Variants in ENOX1 observed in about 807,000 individuals in gnomAD.
ENOX1 encodes candidate growth-related and time keeping constitutive hydroquinone (NADH) oxidase.
ENOX1 carries 42 observed loss-of-function variants against 82.5 expected under a neutral mutation model. The ratio of observed to expected loss-of-function variants is 0.51; its 90% CI spans 0.40 to 0.66. The LOEUF (loss-of-function observed/expected upper bound fraction) is 0.66, where lower values mean the gene tolerates loss of function less well. Ranked by LOEUF, ENOX1 falls within the 30% of genes least tolerant of loss-of-function variation. ENOX1 has a pLI of 0.00. For missense variants in ENOX1, 608 were observed against 811.6 expected (o/e 0.75, Z 3.05); for synonymous variants, 271 against 282.2 (o/e 0.96, Z 0.40).
At chr13:43,696,006 C>A (rs1461187764) in intron 1 of ENOX1, among the ~76,000 whole-genome samples, 1 of 152,158 alleles carries the variant, frequency 6.6e-6, no homozygotes, top group Non-Finnish European at 1.5e-5. Flanking sequence ...ATGAATTTGG[C>A]TATTCTAGAC....
At chr13:43,627,424 T>C (rs1378795747) in intron 2 of ENOX1, among the ~76,000 whole-genome samples, 4 of 152,082 alleles carry the variant, frequency 2.6e-5, no homozygotes, top group African/African-American at 9.7e-5. Context: ...TCTTATATTT[T>C]AATGGTTGCT....
chr13:43,377,274 A>G lies in ENOX1; in HGVS notation c.209-15822T>C, dbSNP rs2153572274. Among the ~76,000 whole-genome samples the G allele has an allele frequency of 2.0e-5, 3 of 152,328 alleles. No homozygotes were observed. The East Asian group carries it at 5.8e-4, about 29-fold the overall frequency. On this transcript the variant is annotated intron_variant, in intron 5 of 16. Coordinates refer to ENST00000690772, the MANE Select transcript of ENOX1 (RefSeq NM_001347969.2). ...AGTCCCCACTCTCTCTCTGTCTCAC[A>G]TGCTTACTTGCTTTTCTGCTTTCTA...
At chr13:43,463,701 G>A (rs1183727069) in intron 3 of ENOX1, among the ~76,000 whole-genome samples, 4 of 152,068 alleles carry the variant, frequency 2.6e-5, no homozygotes, top group African/African-American at 4.8e-5. Context: ...TACACATGCC[G>A]GCTGAATCGA....
At chr13:43,552,247 G>A (rs912353486) in intron 2 of ENOX1, among the ~76,000 whole-genome samples, 1 of 150,828 alleles carries the variant, frequency 6.6e-6, no homozygotes, top group East Asian at 2.0e-4. Flanking sequence ...CCCATCAATT[G>A]ATTTTTGAAA....
At chr13:43,554,132 G>C (rs1157177187) in intron 2 of ENOX1, among the ~76,000 whole-genome samples, 3 of 152,126 alleles carry the variant, frequency 2.0e-5, no homozygotes, top group Admixed American at 6.5e-5. Context: ...TAGATAAGGA[G>C]ACATTCCTTG....
intron 5 of ENOX1, among the ~76,000 whole-genome samples, chr13:43,409,580 T>C (rs1233023196): frequency 6.6e-6 from 1 of 152,198 alleles, no homozygotes; most frequent in South Asian, 2.1e-4. Flanking sequence ...AAGATGTTTT[T>C]GCATGCTCAG....
At chr13:43,680,524 A>G (rs1594382203) in intron 1 of ENOX1, among the ~76,000 whole-genome samples, 1 of 152,150 alleles carries the variant, frequency 6.6e-6, no homozygotes, top group East Asian at 1.9e-4. Flanking sequence ...CTGAGTGCAT[A>G]GGGTAATGAC....
intron 8 of ENOX1, among the ~76,000 whole-genome samples, chr13:43,345,264 T>C (rs2049309839): frequency 6.6e-6 from 1 of 152,240 alleles, no homozygotes; most frequent in African/African-American, 2.4e-5. Flanking sequence ...CTAAGGCAGG[T>C]AGTAGGAATA....
At chr13:43,699,518 A>G (rs556009300) in intron 1 of ENOX1, among the ~76,000 whole-genome samples, 29 of 152,266 alleles carry the variant, frequency 1.9e-4, no homozygotes, top group Admixed American at 3.3e-4. Context: ...AAGATATTAA[A>G]CCATTTCTAT....
chr13:43,400,791 C>T lies in ENOX1; in HGVS notation c.208+11125G>A, dbSNP rs1355781514. On this transcript the variant is annotated intron_variant, in intron 5 of 16. Coordinates refer to ENST00000690772, the MANE Select transcript of ENOX1 (RefSeq NM_001347969.2). ...CTATGATTCTCCCCTACCCCCACCA[C>T]GAATGATGTCTTTCCACCCAAGGTA... Among the ~76,000 whole-genome samples, 9 of 152,220 alleles carry T rather than the reference C, an allele frequency of 5.9e-5. 1 individual carries two copies. The highest frequency in any genetic ancestry group is 2.2e-4 in the African/African-American group (9 of 41,456).
chr13:43,375,141 G>A (rs749264661), intron 5 of ENOX1, among the ~76,000 whole-genome samples: 1 of 152,048 alleles, frequency 6.6e-6, no homozygotes, highest in Non-Finnish European at 1.5e-5. Flanking sequence ...ACTCTACAAT[G>A]GTGCTAAGTG....
At chr13:43,358,454 C>CG (rs1430890640) in intron 7 of ENOX1, among the ~76,000 whole-genome samples, 13 of 11,970 alleles carry the variant, frequency 1.1e-3, no homozygotes, top group Non-Finnish European at 1.9e-4. Context: ...GGGGCGGGGG[C>CG]GGGGGGTCCT....
At chr13:43,274,680 C>CTATTA (rs2044897661) in intron 12 of ENOX1, among the ~76,000 whole-genome samples, 1 of 152,178 alleles carries the variant, frequency 6.6e-6, no homozygotes, top group Non-Finnish European at 1.5e-5. Context: ...AACAGATGCA[C>CTATTA]TATTACATTC....
At chr13:43,707,029 C>T (rs1335163820) in intron 1 of ENOX1, among the ~76,000 whole-genome samples, 1 of 151,902 alleles carries the variant, frequency 6.6e-6, no homozygotes. Context: ...TGTACATACA[C>T]ATAAAATTAC....
At position 43,691,761 on chromosome 13, in the gene ENOX1, C is replaced by T. The variant is rs145092539; in HGVS notation, c.-284-24217G>A. On this transcript the variant is annotated intron_variant, in intron 1 of 16. Transcript: ENST00000690772. ...TGTCACCCAGGCTGGAGGGCAGTGG[C>T]GCGATCTTGGCTCACTGCAATCTCC... Among the ~76,000 whole-genome samples, 195 of 150,022 alleles carry T rather than the reference C, an allele frequency of 1.3e-3. No homozygotes were observed. In the Middle Eastern group the frequency reaches 0.014, roughly 11 times the overall value.
intron 14 of ENOX1, among the ~76,000 whole-genome samples, chr13:43,254,236 A>C (rs1005094294): frequency 6.6e-6 from 1 of 152,236 alleles, no homozygotes; most frequent in Non-Finnish European, 1.5e-5. Context: ...CCTAGGCCAC[A>C]AAGAAGGTTC....
At position 43,268,669 on chromosome 13, in the gene ENOX1, C is replaced by T. The variant is rs1014760646; in HGVS notation, c.1554+801G>A. ...TGTATACAGTGTAAGGTTATTTATA[C>T]AATATAAAACGATTATGTGTATGAA... On this transcript the variant is annotated intron_variant, in intron 13 of 16. Transcript: ENST00000690772. Among the ~76,000 whole-genome samples the T allele has an allele frequency of 9.5e-4, 145 of 152,138 alleles. 1 individual carries two copies. The highest frequency in any genetic ancestry group is 9.2e-3 in the Admixed American group (140 of 15,268).
intron 2 of ENOX1, chr13:43,609,972 T>C: frequency 4.5e-6 from 4 of 879,742 alleles, no homozygotes; most frequent in Non-Finnish European, 5.5e-6. Context: ...TTTAGAGTTG[T>C]TTTATCAGGA....
At chr13:43,623,563 T>G (rs1344239296) in intron 2 of ENOX1, among the ~76,000 whole-genome samples, 1 of 152,180 alleles carries the variant, frequency 6.6e-6, no homozygotes, top group Admixed American at 6.5e-5. Flanking sequence ...GGTCTCACTT[T>G]CACGGTTGGG....
Sources: allele counts gnomAD v4.1 joint callset (sites outside exome capture counted in the v4.1 genomes callset), GRCh38; gene constraint gnomAD v4.1.1; transcripts MANE v1.5; gene names NCBI Gene and HGNC (gene_info 2026-07-23, HGNC 2026-07-21).